The following XPO1 variants were observed in gnomAD, a reference collection of about 807,000 sequenced individuals.
XPO1 encodes the protein exportin-1.
In XPO1, 5 loss-of-function variants were observed where a neutral mutation model predicts 133.3. That is an observed-to-expected ratio of 0.04 (90% CI 0.02 to 0.08). XPO1 has a LOEUF of 0.08. XPO1 is among the 10% of genes least tolerant of loss of function. XPO1 has a pLI of 1.00. For synonymous variants in XPO1, 419 were observed against 408.2 expected (o/e 1.03, Z -0.32); for missense variants, 506 against 1,267.5 (o/e 0.40, Z 9.12).
chr2:61,488,495 A>T, intron 18 of XPO1, 93 bp downstream of exon 18: 2 of 1,381,886 alleles, frequency 1.4e-6, no homozygotes, highest in Non-Finnish European at 2.0e-6. Context: ...GGTCTGATTT[A>T]AATCTGTAAA....
At chr2:61,491,887 A>G in intron 16 of XPO1, 148 bp downstream of exon 16, 5 of 989,230 alleles carry the variant, frequency 5.1e-6, no homozygotes, top group Non-Finnish European at 4.4e-6. Context: ...GCAACAGAGT[A>G]AGACCCTGTC....
intron 1 of XPO1, among the ~76,000 whole-genome samples, chr2:61,535,770 A>T (rs1190734237): frequency 6.6e-6 from 1 of 152,228 alleles, no homozygotes; most frequent in South Asian, 2.1e-4. Context: ...AAACGTTTTT[A>T]AACAGCAGAA....
chr2:61,479,241 G>A (rs1696209691), intron 24 of XPO1, among the ~76,000 whole-genome samples: 1 of 152,100 alleles, frequency 6.6e-6, no homozygotes, highest in South Asian at 2.1e-4. Flanking sequence ...GAGACGGGAA[G>A]AATACTTGAT....
rs1411703626 is a variant in XPO1, at chr2:61,493,179, C to T, written c.1246-126G>A. 7 of 948,896 alleles carry T rather than the reference C, an allele frequency of 7.4e-6. No individual in the cohort carries two copies. The Admixed American group carries it at 2.0e-4, about 27-fold the overall frequency. 58.8% of individuals were successfully genotyped at this position (948,896 alleles called of 1,614,324 possible). A position where few individuals can be genotyped will look rare whatever the true frequency, so the allele number is the denominator to read the frequency against. ...AGCCAGCCATGTGTAGGGATTCATG[C>T]CTATAATTCCAACTATTCCGGAGGG... On this transcript the variant is annotated intron_variant, in intron 12 of 24. Transcript: ENST00000401558.
chr2:61,530,604 G>A (rs1451012673), intron 2 of XPO1, among the ~76,000 whole-genome samples: 1 of 151,888 alleles, frequency 6.6e-6, no homozygotes, highest in Non-Finnish European at 1.5e-5. Flanking sequence ...AGGGTAGAGG[G>A]TAGTCCTAAT....
intron 16 of XPO1, among the ~76,000 whole-genome samples, chr2:61,491,151 AAAAC>A (rs145136332): frequency 0.016 from 2,367 of 151,782 alleles, 51 homozygotes; most frequent in African/African-American, 0.052. Flanking sequence ...TCCACCTCAA[AAAAC>A]AAACAAACAA....
At position 61,502,328 on chromosome 2, in the gene XPO1, C is replaced by A; in HGVS notation, c.302-18G>T. 1.2e-6 allele frequency: 2 copies of A among 1,604,170 alleles called. No homozygotes were observed. The highest frequency in any genetic ancestry group is 1.1e-5 in the South Asian group (1 of 88,724). On this transcript the variant is annotated intron_variant, in intron 4 of 24. Coordinates refer to ENST00000401558, the MANE Select transcript of XPO1 (RefSeq NM_003400.4). ...TTTTATTCCTATTAAAAAAATTGCACGTAATAAAAAAATTGTTGAGCTCTT... is the reference window on the plus strand; with the variant it reads ...TTTTATTCCTATTAAAAAAATTGCAAGTAATAAAAAAATTGTTGAGCTCTT...
In XPO1 at chr2:61,502,046, GAAAAGT is replaced by G; in HGVS notation, c.364-12_364-7del. On this transcript the variant is annotated splice_polypyrimidine_tract_variant and splice_region_variant and intron_variant, in intron 5 of 24. Transcript: ENST00000401558. ...CCGATATACACCTTTTCTTTCTAAG[GAAAAGT>G]AAAAGATTAAATGAGAGCCTGAGGT... The G allele has an allele frequency of 1.9e-6, 3 of 1,598,918 alleles. No individual in the cohort carries two copies. Among genetic ancestry groups the G allele is most frequent in the South Asian group, 2.3e-5 (2 of 88,522 alleles).
intron 3 of XPO1, among the ~76,000 whole-genome samples, chr2:61,524,594 T>C (rs1698835766): frequency 6.6e-6 from 1 of 152,192 alleles, no homozygotes; most frequent in South Asian, 2.1e-4. Context: ...ACTTTGCCTA[T>C]GAAACTAAAA....
intron 2 of XPO1, among the ~76,000 whole-genome samples, chr2:61,527,103 C>T (rs947681486): frequency 6.6e-6 from 1 of 152,228 alleles, no homozygotes; most frequent in Admixed American, 6.5e-5. Flanking sequence ...CAAAACTGAA[C>T]TGCATTTCAA....
intron 11 of XPO1, chr2:61,494,293 CACAT>C (rs2104449240): frequency 6.0e-6 from 3 of 501,114 alleles, no homozygotes; most frequent in Non-Finnish European, 7.1e-6. Flanking sequence ...AAAAATCTCT[CACAT>C]AGTAGTTGAT....
intron 4 of XPO1, among the ~76,000 whole-genome samples, chr2:61,505,827 G>A (rs192817735): frequency 6.6e-6 from 1 of 151,862 alleles, no homozygotes; most frequent in South Asian, 2.1e-4. Flanking sequence ...CGAAGTGCTG[G>A]GATTACATGA....
intron 20 of XPO1, chr2:61,484,571 A>G (rs1696580301): frequency 6.5e-6 from 1 of 154,180 alleles, no homozygotes; most frequent in Non-Finnish European, 1.4e-5. Flanking sequence ...TGGGTTCAAG[A>G]GATTCTCCTG....
At chr2:61,507,243 C>CCAAAAAAA (rs1183390806) in intron 4 of XPO1, among the ~76,000 whole-genome samples, 1 of 65,508 alleles carries the variant, frequency 1.5e-5, no homozygotes, top group Non-Finnish European at 2.7e-5. Flanking sequence ...GACTCCATCT[C>CCAAAAAAA]AAAAAAAAAA....
chr2:61,493,313 G>C, intron 12 of XPO1: 1 of 316,536 alleles, frequency 3.2e-6, no homozygotes, highest in South Asian at 1.1e-4. Context: ...AAGCACAACA[G>C]AAAAAACTAT....
intron 4 of XPO1, among the ~76,000 whole-genome samples, chr2:61,506,957 C>T (rs559648144): frequency 1.1e-4 from 17 of 151,948 alleles, no homozygotes; most frequent in Non-Finnish European, 2.4e-4. Context: ...AGGCCGGGCG[C>T]GGTGGCTCAC....
chr2:61,523,837 C>T (rs1237543448), intron 3 of XPO1, among the ~76,000 whole-genome samples: 1 of 152,164 alleles, frequency 6.6e-6, no homozygotes, highest in Non-Finnish European at 1.5e-5. Context: ...TTTAACATTT[C>T]ACACTCTTCA....
rs113527387 is a variant in XPO1, at chr2:61,531,699, C to T, written c.126+2073G>A. Among the ~76,000 whole-genome samples the T allele has an allele frequency of 8.1e-3, 1,235 of 152,316 alleles. 25 individuals carry two copies. The highest frequency in any genetic ancestry group is 0.05 in the South Asian group (241 of 4,832). On this transcript the variant is annotated intron_variant, in intron 2 of 24. Transcript: ENST00000401558. ...ACATTCAGAGTTGAACCCAACCTTA[C>T]TTTCATAGCTTCCTCCAAAAGCAGC...
rs374236839 is a variant in XPO1 at position 61,527,240 on chromosome 2, C to A, written c.127-719G>T. Among the ~76,000 whole-genome samples, 44 of 144,896 alleles carry A rather than the reference C, an allele frequency of 3.0e-4. No homozygotes were observed. The East Asian group carries it at 3.1e-3, about 10-fold the overall frequency. ...ATCCCAATACTTTGGGAGACTGAGG[C>A]AGGAGGACCACTTGAGGCCAGGGGT... On this transcript the variant is annotated intron_variant, in intron 2 of 24. Transcript: ENST00000401558.
Sources: allele counts gnomAD v4.1 joint callset (sites outside exome capture counted in the v4.1 genomes callset), GRCh38; gene constraint gnomAD v4.1.1; transcripts MANE v1.5; gene names NCBI Gene and HGNC (gene_info 2026-07-23, HGNC 2026-07-21).